PMP22: variants seen among roughly 807,000 people sequenced by gnomAD.
The protein encoded by PMP22 is Charcot-Marie-Tooth neuropathy 1A (greatly reduced nerve conduction velocity, hereditary motor sensory neuropathy Ia).
PMP22 carries 2 observed loss-of-function variants against 18.9 expected under a neutral mutation model. The observed-to-expected ratio is 0.11, with a 90% CI of 0.04 to 0.33. The LOEUF (loss-of-function observed/expected upper bound fraction) is 0.33, where lower values mean the gene tolerates loss of function less well. PMP22 is among the 10% of genes least tolerant of loss of function. PMP22 has a pLI of 1.00. For synonymous variants in PMP22, 95 were observed against 89.2 expected, an observed-to-expected ratio of 1.07 and a Z score of -0.37; for missense variants, 169 against 202.2, an observed-to-expected ratio of 0.84 and a Z score of 1.00.
chr17:15,239,248 A>T, intron 4 of PMP22: 1 of 625,818 alleles, frequency 1.6e-6, no homozygotes, highest in Admixed American at 2.6e-5. Flanking sequence ...TTTCATATGC[A>T]TCTCATTCCA....
intron 3 of PMP22, among the ~76,000 whole-genome samples, chr17:15,244,700 A>T (rs1907640043): frequency 6.6e-6 from 1 of 152,226 alleles, no homozygotes; most frequent in Admixed American, 6.5e-5. Flanking sequence ...ATCATTATGA[A>T]AACAAACACC....
At position 15,233,654 on chromosome 17, in the gene PMP22, G is replaced by A. The variant is rs1417755317; in HGVS notation, c.320-2574C>T. Among the ~76,000 whole-genome samples, 3 of 152,168 alleles carry A rather than the reference G, an allele frequency of 2.0e-5. No individual in the cohort carries two copies. In the South Asian group the frequency reaches 6.2e-4, roughly 32 times the overall value. On this transcript the variant is annotated intron_variant, in intron 4 of 4. Coordinates refer to ENST00000312280, the MANE Select transcript of PMP22 (RefSeq NM_000304.4). The stretch of plus-strand genomic sequence containing the variant: ...CATTTAATGAGTGCCTATTGCATGC[G>A]GGCCCTGTTCTAGCTGCTGCTCTAG...
intron 3 of PMP22, among the ~76,000 whole-genome samples, chr17:15,239,931 T>C (rs905439732): frequency 1.2e-4 from 18 of 152,198 alleles, no homozygotes; most frequent in African/African-American, 4.3e-4. Context: ...CAAATATGCA[T>C]ACAAATATGT....
At chr17:15,251,906 T>C (rs938306138) in intron 3 of PMP22, among the ~76,000 whole-genome samples, 4 of 151,996 alleles carry the variant, frequency 2.6e-5, no homozygotes, top group African/African-American at 9.7e-5. Flanking sequence ...AGACACAGGT[T>C]CAAACAAACA....
chr17:15,260,789 C>T, intron 1 of PMP22, 28 bp from the exon 2 acceptor site: 3 of 1,417,016 alleles, frequency 2.1e-6, no homozygotes, highest in Non-Finnish European at 2.9e-6. Flanking sequence ...GGCGTGAGGC[C>T]GAACGCACTG....
Position 15,261,741 on chromosome 17 carries a change from G to A in PMP22, c.-34-980C>T, listed in dbSNP as rs1237282002. 6.6e-6 allele frequency: 1 copy of A among 152,268 alleles called. No homozygotes were observed. The highest frequency in any genetic ancestry group is 1.5e-5 in the Non-Finnish European group (1 of 68,084). 9.4% of individuals were successfully genotyped at this position (152,268 alleles called of 1,614,324 possible). A position where few individuals can be genotyped will look rare whatever the true frequency, so the allele number is the denominator to read the frequency against. ...AGTCCGAGAATTTCAGCCGGTCAGA[G>A]CCGGCAGGACATTTATCCCAAGTAA... On this transcript the variant is annotated intron_variant, in intron 1 of 4. Coordinates refer to ENST00000312280, the MANE Select transcript of PMP22 (RefSeq NM_000304.4). The surrounding 1 kb of genome is among the most constrained non-coding windows in gnomAD (Gnocchi z 5.2).
At chr17:15,260,504 G>C (rs925781850) in intron 2 of PMP22, 146 bp downstream of exon 2, 5 of 729,222 alleles carry the variant, frequency 6.9e-6, no homozygotes, top group African/African-American at 1.7e-5. Context: ...CAACTGGAAG[G>C]GGGCAGATTG....
At chr17:15,254,161 A>G (rs1908607792) in intron 3 of PMP22, among the ~76,000 whole-genome samples, 1 of 152,242 alleles carries the variant, frequency 6.6e-6, no homozygotes, top group Non-Finnish European at 1.5e-5. Context: ...GCCTTGTTAA[A>G]GATTTTCATC....
chr17:15,262,596 T>G (rs1909430996), intron 1 of PMP22: 1 of 152,200 alleles, frequency 6.6e-6, no homozygotes, highest in African/African-American at 2.4e-5. Context: ...AACAACGCCC[T>G]GTTTGCGTCG....
At chr17:15,235,478 T>A (rs535048857) in intron 4 of PMP22, among the ~76,000 whole-genome samples, 9 of 152,206 alleles carry the variant, frequency 5.9e-5, no homozygotes, top group Non-Finnish European at 1.3e-4. Context: ...ACCCAACAGA[T>A]CTTGTCAAGG....
At chr17:15,252,325 T>C (rs1051890483) in intron 3 of PMP22, among the ~76,000 whole-genome samples, 1 of 152,124 alleles carries the variant, frequency 6.6e-6, no homozygotes, top group Non-Finnish European at 1.5e-5. Flanking sequence ...CAAGATTTAG[T>C]TTCTCTAATT....
intron 4 of PMP22, among the ~76,000 whole-genome samples, chr17:15,231,545 G>T (rs1260660503): frequency 6.6e-6 from 1 of 152,200 alleles, no homozygotes; most frequent in Non-Finnish European, 1.5e-5. Flanking sequence ...TCACGCCATG[G>T]TAAAAGGATT....
At chr17:15,232,033 G>A (rs1031480473) in intron 4 of PMP22, among the ~76,000 whole-genome samples, 8 of 151,996 alleles carry the variant, frequency 5.3e-5, no homozygotes, top group Non-Finnish European at 1.2e-4. Context: ...TTTCCTCCCT[G>A]AAAACAGGGT....
At chr17:15,234,634 C>G (rs1325843537) in intron 4 of PMP22, among the ~76,000 whole-genome samples, 1 of 152,188 alleles carries the variant, frequency 6.6e-6, no homozygotes, top group Non-Finnish European at 1.5e-5. Context: ...ATCCAAATGA[C>G]CATTGCTGCC....
intron 3 of PMP22, among the ~76,000 whole-genome samples, chr17:15,242,251 C>CAAAAAAAAA (rs59075019): frequency 1.8e-5 from 1 of 54,776 alleles, no homozygotes; most frequent in African/African-American, 6.7e-5. Context: ...GACTCTGTCT[C>CAAAAAAAAA]AAAAAAAAAA....
chr17:15,237,450 G>A lies in PMP22; in HGVS notation c.319+2021C>T, dbSNP rs114471488. Among the ~76,000 whole-genome samples, 776 of 152,354 alleles carry A rather than the reference G, an allele frequency of 5.1e-3. 10 individuals are homozygous for A. Among genetic ancestry groups the A allele is most frequent in the African/African-American group, 0.018 (744 of 41,578 alleles). ...CTCTTCTCAGCTCCATATTTTCAAT[G>A]TGACTGGGTCTTATAGTACAGGCTT... On this transcript the variant is annotated intron_variant, in intron 4 of 4. Transcript: ENST00000312280.
intron 4 of PMP22, among the ~76,000 whole-genome samples, chr17:15,237,739 A>G (rs1906933561): frequency 1.3e-5 from 2 of 152,210 alleles, no homozygotes; most frequent in African/African-American, 4.8e-5. Context: ...CAAATTATTC[A>G]TCAGTAAAAT....
At chr17:15,264,872 A>G (rs1346083955) in intron 1 of PMP22, among the ~76,000 whole-genome samples, 2 of 152,072 alleles carry the variant, frequency 1.3e-5, no homozygotes, top group Admixed American at 6.5e-5. Context: ...GCTATTTTCC[A>G]TGGGGGAAAA....
In PMP22 at chr17:15,240,373, G is replaced by A. The variant is rs114750444; in HGVS notation, c.179-762C>T. On this transcript the variant is annotated intron_variant, in intron 3 of 4. Transcript: ENST00000312280. ...GATGAAGAAAGGTATGCTCTCTATA[G>A]GTATGGAAATCAATTTGCTTGGACA... Among the ~76,000 whole-genome samples, 471 of 151,302 alleles carry A rather than the reference G, an allele frequency of 3.1e-3. 2 individuals carry two copies. The highest frequency in any genetic ancestry group is 0.011 in the African/African-American group (450 of 41,220).
Sources: gnomAD v4.1 joint callset for allele counts (sites outside exome capture counted in the v4.1 genomes callset) on GRCh38, gnomAD v4.1.1 for gene constraint, Gnocchi (gnomAD v3.1) non-coding constraint, MANE v1.5 for transcripts, NCBI Gene and HGNC (gene_info 2026-07-23, HGNC 2026-07-21) for gene names.